Variants in DEDD2 observed in about 807,000 individuals in gnomAD.
DEDD2 encodes DNA-binding death effector domain-containing protein 2.
In DEDD2, 18 loss-of-function variants were observed where a neutral mutation model predicts 28.9. The observed-to-expected ratio is 0.62, with a 90% CI of 0.43 to 0.92. The LOEUF is 0.92. DEDD2 is among the 40% of genes least tolerant of loss of function. DEDD2 has a pLI of 0.00. For missense variants in DEDD2, 411 were observed against 463.3 expected (o/e 0.89, Z 1.04); for synonymous variants, 211 against 206.1 (o/e 1.02, Z -0.20).
intron 4 of DEDD2, among the ~76,000 whole-genome samples, chr19:42,201,200 G>A (rs2035318464): frequency 6.6e-6 from 1 of 152,228 alleles, no homozygotes; most frequent in Non-Finnish European, 1.5e-5. Flanking sequence ...CCAGACAATG[G>A]CAGTGCCTGA....
chr19:42,200,903 CCT>C (rs1378411892), intron 4 of DEDD2, among the ~76,000 whole-genome samples: 2 of 152,184 alleles, frequency 1.3e-5, no homozygotes, highest in Non-Finnish European at 2.9e-5. Context: ...TCACATACCA[CCT>C]CTCTTCCAGA....
chr19:42,212,292 G>A (rs2035801269), intron 3 of DEDD2, among the ~76,000 whole-genome samples: 1 of 151,924 alleles, frequency 6.6e-6, no homozygotes, highest in Non-Finnish European at 1.5e-5. Flanking sequence ...CTTAAACCTG[G>A]GAGGCAGAGG....
At chr19:42,213,590 T>C (rs1247791096) in intron 3 of DEDD2, among the ~76,000 whole-genome samples, 1 of 152,088 alleles carries the variant, frequency 6.6e-6, no homozygotes, top group Non-Finnish European at 1.5e-5. Context: ...TAAAGATGTA[T>C]AAACTGAATC....
chr19:42,215,330 C>G, intron 2 of DEDD2, 78 bp from the exon 3 acceptor site: 1 of 1,576,446 alleles, frequency 6.3e-7, no homozygotes, highest in Non-Finnish European at 8.7e-7. Context: ...GCCTGCACCA[C>G]GAGGTGCCTA....
chr19:42,208,291 A>G (rs1245209537), intron 4 of DEDD2, among the ~76,000 whole-genome samples: 1 of 150,262 alleles, frequency 6.7e-6, no homozygotes, highest in Non-Finnish European at 1.5e-5. Flanking sequence ...CATCGTGTCT[A>G]CAGTCAGCCC....
chr19:42,208,831 C>T (rs1599768649), intron 4 of DEDD2, among the ~76,000 whole-genome samples: 2 of 152,248 alleles, frequency 1.3e-5, no homozygotes, highest in African/African-American at 2.4e-5. Flanking sequence ...AACAAACCCT[C>T]GTACAGCGTG....
chr19:42,203,275 G>A (rs1332616050), intron 4 of DEDD2, among the ~76,000 whole-genome samples: 2 of 152,178 alleles, frequency 1.3e-5, no homozygotes, highest in Non-Finnish European at 2.9e-5. Flanking sequence ...ATTAGACAGG[G>A]CGAGTTATAG....
chr19:42,205,944 G>T (rs2035515790), intron 4 of DEDD2, among the ~76,000 whole-genome samples: 1 of 152,044 alleles, frequency 6.6e-6, no homozygotes, highest in South Asian at 2.1e-4. Flanking sequence ...AATTAGCCAG[G>T]CATGCTGGAT....
chr19:42,204,313 C>T (rs2035443978), intron 4 of DEDD2: 1 of 152,198 alleles, frequency 6.6e-6, no homozygotes, highest in Admixed American at 6.5e-5. Flanking sequence ...AAATGTGACT[C>T]CAACATTGTA....
chr19:42,215,810 C>A (rs1483262622), intron 2 of DEDD2, among the ~76,000 whole-genome samples: 1 of 152,188 alleles, frequency 6.6e-6, no homozygotes, highest in African/African-American at 2.4e-5. Context: ...GCCTGAACCC[C>A]TCCCAGCTTC....
intron 2 of DEDD2, 79 bp from the exon 3 acceptor site, chr19:42,215,331 G>C: frequency 2.5e-6 from 4 of 1,574,132 alleles, no homozygotes; most frequent in Non-Finnish European, 3.5e-6. Flanking sequence ...CCTGCACCAC[G>C]AGGTGCCTAA....
At chr19:42,207,840 C>T (rs1156787114) in intron 4 of DEDD2, among the ~76,000 whole-genome samples, 3 of 151,892 alleles carry the variant, frequency 2.0e-5, no homozygotes, top group African/African-American at 7.3e-5. Flanking sequence ...CCTGCTCCCA[C>T]CCACAAAGCC....
chr19:42,216,951 G>C lies in DEDD2; in HGVS notation c.57C>G (p.Asp19Glu). The change falls in exon 2 of 5, where the codon GAC (aspartate) becomes GAG (glutamate). Residue 19 changes from aspartate to glutamate, a missense_variant. Asp to Glu is a conservative substitution (Grantham distance 45). Transcript: ENST00000596251. ...GGTGAAGCGACAGCATCCCGTAGTA[G>C]TCCAGGCACTCATCCTCCTCCCAGC... ...APCWEEDECLDYYGMLSLHRM... is the reference protein window; with the variant it reads ...APCWEEDECLEYYGMLSLHRM... 1 of 1,602,752 alleles carries C rather than the reference G, an allele frequency of 6.2e-7. No homozygotes were observed. Among genetic ancestry groups the C allele is most frequent in the South Asian group, 1.1e-5 (1 of 89,132 alleles).
rs760997051 is a variant in DEDD2, at chr19:42,209,711, T to C, written c.578A>G (p.Lys193Arg). 17 of 1,608,452 alleles carry C rather than the reference T, an allele frequency of 1.1e-5. No individual in the cohort carries two copies. The highest frequency in any genetic ancestry group is 3.3e-4 in the Middle Eastern group (2 of 6,076). ...SEPARPSSEG[K>R]VTCDIRLRVR... ...CTACAGACACCTACCACAGGTCACT[T>C]TGCCTTCAGAGGAAGGTCTGGCGGG... Residue 193 changes from lysine (K) to arginine (R), a missense_variant, in exon 4 of 5, where the codon AAA (lysine) becomes AGA (arginine). Physicochemically the swap from Lys to Arg is conservative, Grantham distance 26. Coordinates refer to ENST00000596251, the MANE Select transcript of DEDD2 (RefSeq NM_133328.4).
intron 4 of DEDD2, among the ~76,000 whole-genome samples, chr19:42,205,419 C>A (rs1446533666): frequency 6.6e-6 from 1 of 151,784 alleles, no homozygotes; most frequent in East Asian, 1.9e-4. Flanking sequence ...CACCTGAGGT[C>A]GGGAGTTCGA....
intron 4 of DEDD2, chr19:42,202,122 G>T (rs1488891680): frequency 4.3e-5 from 17 of 398,508 alleles, no homozygotes; most frequent in Non-Finnish European, 6.2e-5. Context: ...AAGTCACAAG[G>T]ATTAAATGAG....
chr19:42,206,351 C>T (rs927674146), intron 4 of DEDD2, among the ~76,000 whole-genome samples: 7 of 152,148 alleles, frequency 4.6e-5, no homozygotes, highest in African/African-American at 1.7e-4. Flanking sequence ...CCATCGGGAA[C>T]ACCCTTCCCC....
chr19:42,200,680 C>T (rs556751615), intron 4 of DEDD2, among the ~76,000 whole-genome samples: 1 of 152,328 alleles, frequency 6.6e-6, no homozygotes, highest in South Asian at 2.1e-4. Context: ...GAAGCCTACG[C>T]AGGGCCAGCC....
intron 4 of DEDD2, among the ~76,000 whole-genome samples, chr19:42,202,392 G>C (rs1421297109): frequency 6.6e-6 from 1 of 152,098 alleles, no homozygotes; most frequent in Non-Finnish European, 1.5e-5. Flanking sequence ...CCTCCATCCA[G>C]AACATTTGCC....
Sources: gnomAD v4.1 joint callset for allele counts (sites outside exome capture counted in the v4.1 genomes callset) on GRCh38, gnomAD v4.1.1 for gene constraint, MANE v1.5 for transcripts, NCBI Gene and HGNC (gene_info 2026-07-23, HGNC 2026-07-21) for gene names.